The following STT3B variants were observed in gnomAD, a reference collection of about 807,000 sequenced individuals.
STT3B encodes the protein STT3 oligosaccharyltransferase complex catalytic subunit B.
STT3B carries 29 observed loss-of-function variants against 96.8 expected under a neutral mutation model. The ratio of observed to expected loss-of-function variants is 0.30; its 90% CI spans 0.22 to 0.41. The LOEUF (loss-of-function observed/expected upper bound fraction) is 0.41. Among genes scored for constraint, STT3B ranks in the 10% least tolerant of loss-of-function variants. The probability of loss-of-function intolerance (pLI) is 1.00; values close to 1 mark genes in which losing one functional copy is unlikely to be tolerated. For missense variants in STT3B, 640 were observed against 1,022.3 expected (o/e 0.63, Z 5.10); for synonymous variants, 367 against 360.0 (o/e 1.02, Z -0.22).
intron 14 of STT3B, among the ~76,000 whole-genome samples, chr3:31,630,662 T>C (rs921012617): frequency 2.6e-5 from 4 of 152,216 alleles, no homozygotes; most frequent in African/African-American, 9.6e-5. Context: ...TCTGGTTAAG[T>C]TGGTAAGAAA....
intron 4 of STT3B, 90 bp from the exon 5 acceptor site, chr3:31,600,270 T>C (rs1698900818): frequency 1.9e-6 from 1 of 516,156 alleles, no homozygotes; most frequent in Non-Finnish European, 3.3e-6. Context: ...TCTTAATGTT[T>C]ATATTTGCTC....
chr3:31,590,974 A>G (rs1045732054), intron 3 of STT3B, among the ~76,000 whole-genome samples: 1 of 152,078 alleles, frequency 6.6e-6, no homozygotes, highest in Non-Finnish European at 1.5e-5. Context: ...GAGGTTGCAT[A>G]TTGTAAATTA....
chr3:31,633,237 C>G, intron 15 of STT3B, 90 bp downstream of exon 15: 1 of 1,139,544 alleles, frequency 8.8e-7, no homozygotes, highest in Non-Finnish European at 1.2e-6. Context: ...AAATTTCCAT[C>G]TGCCAGATTT....
chr3:31,589,395 G>A (rs541923073), intron 3 of STT3B, among the ~76,000 whole-genome samples: 86 of 152,070 alleles, frequency 5.7e-4, no homozygotes, highest in African/African-American at 1.8e-3. Flanking sequence ...ACGAAAAAAA[G>A]TCAGCTTCAT....
intron 2 of STT3B, 36 bp downstream of exon 2, chr3:31,576,540 C>T: frequency 8.2e-7 from 1 of 1,220,358 alleles, no homozygotes; most frequent in Non-Finnish European, 1.2e-6. Context: ...TTAATTATAA[C>T]ATTTATTGTT....
chr3:31,598,789 A>T (rs1397286488), intron 4 of STT3B, among the ~76,000 whole-genome samples: 1 of 151,226 alleles, frequency 6.6e-6, no homozygotes, highest in Non-Finnish European at 1.5e-5. Context: ...CATATCCTCT[A>T]GGTTAACCTG....
At chr3:31,534,660 T>G (rs954178838) in intron 1 of STT3B, among the ~76,000 whole-genome samples, 5 of 152,168 alleles carry the variant, frequency 3.3e-5, no homozygotes, top group African/African-American at 1.2e-4. Flanking sequence ...TTCTGCATTA[T>G]GGAGAGAAAA....
At chr3:31,581,789 G>A (rs576713545) in intron 3 of STT3B, among the ~76,000 whole-genome samples, 2 of 152,222 alleles carry the variant, frequency 1.3e-5, no homozygotes, top group East Asian at 1.9e-4. Flanking sequence ...TTCTTTAAAC[G>A]TTTTAGTAGA....
At chr3:31,619,498 T>C (rs1459824576) in intron 8 of STT3B, among the ~76,000 whole-genome samples, 178 bp from the exon 9 acceptor site, 3 of 152,186 alleles carry the variant, frequency 2.0e-5, no homozygotes, top group Non-Finnish European at 4.4e-5. Context: ...AGTTTTAGTT[T>C]TACCAGTGTA....
At chr3:31,613,027 A>G (rs1428972790) in intron 5 of STT3B, among the ~76,000 whole-genome samples, 1 of 152,148 alleles carries the variant, frequency 6.6e-6, no homozygotes, top group East Asian at 1.9e-4. Flanking sequence ...ACAGATGCAG[A>G]TTTGTGGTTA....
chr3:31,567,492 T>C (rs1698033824), intron 1 of STT3B, among the ~76,000 whole-genome samples: 1 of 152,242 alleles, frequency 6.6e-6, no homozygotes. Flanking sequence ...TGTCGCTCAT[T>C]GTGGCCACAG....
intron 4 of STT3B, among the ~76,000 whole-genome samples, chr3:31,597,088 T>G (rs575758163): frequency 1.2e-4 from 18 of 152,320 alleles, no homozygotes; most frequent in Admixed American, 9.8e-4. Context: ...CAAAATGTTT[T>G]CAAGTGTACC....
intron 1 of STT3B, among the ~76,000 whole-genome samples, chr3:31,564,181 T>C (rs1233170203): frequency 6.6e-6 from 1 of 152,222 alleles, no homozygotes. Context: ...TGGGAATGTT[T>C]AAACATTTCA....
chr3:31,555,459 A>C (rs1004425725), intron 1 of STT3B, among the ~76,000 whole-genome samples: 12 of 152,276 alleles, frequency 7.9e-5, no homozygotes, highest in Admixed American at 7.2e-4. Flanking sequence ...ACTTAATCAA[A>C]ACTTAATTTG....
At chr3:31,556,361 G>A (rs1379178230) in intron 1 of STT3B, among the ~76,000 whole-genome samples, 1 of 152,218 alleles carries the variant, frequency 6.6e-6, no homozygotes, top group Non-Finnish European at 1.5e-5. Flanking sequence ...TGTAGTAAAC[G>A]TGTGAACGCA....
intron 9 of STT3B, 148 bp downstream of exon 9, chr3:31,619,978 A>G: frequency 6.7e-7 from 1 of 1,502,346 alleles, no homozygotes; most frequent in Non-Finnish European, 8.8e-7. Context: ...CTTAACCAAG[A>G]AAAATTCACT....
At chr3:31,551,607 G>A (rs1243657785) in intron 1 of STT3B, among the ~76,000 whole-genome samples, 4 of 152,110 alleles carry the variant, frequency 2.6e-5, no homozygotes, top group Admixed American at 6.5e-5. Context: ...CCGTTCCCAC[G>A]AATACATGTT....
At chr3:31,546,716 G>GT (rs1697421537) in intron 1 of STT3B, among the ~76,000 whole-genome samples, 1 of 152,122 alleles carries the variant, frequency 6.6e-6, no homozygotes, top group Non-Finnish European at 1.5e-5. Context: ...TTTAGACTGG[G>GT]TTGTTTAGTC....
chr3:31,582,616 A>T (rs1321443666), intron 3 of STT3B, among the ~76,000 whole-genome samples: 2 of 151,390 alleles, frequency 1.3e-5, no homozygotes, highest in East Asian at 3.9e-4. Context: ...TTTCTAGTTC[A>T]CAACGTAGTT....
Sources: allele counts gnomAD v4.1 joint callset (sites outside exome capture counted in the v4.1 genomes callset), GRCh38; gene constraint gnomAD v4.1.1; transcripts MANE v1.5; gene names NCBI Gene and HGNC (gene_info 2026-07-23, HGNC 2026-07-21).